PCDH7: variants seen among roughly 807,000 people sequenced by gnomAD.
The protein encoded by PCDH7 is protocadherin-7.
Under a neutral mutation model 58.9 loss-of-function variants are expected in PCDH7, and 17 were observed. The ratio of observed to expected loss-of-function variants is 0.29; its 90% CI spans 0.20 to 0.43. The LOEUF is 0.43. Among genes scored for constraint, PCDH7 ranks in the 20% least tolerant of loss-of-function variants. The pLI is 1.00. For synonymous variants in PCDH7, 664 were observed against 616.4 expected, an observed-to-expected ratio of 1.08 and a Z score of -1.14; for missense variants, 1,274 against 1,441.0, an observed-to-expected ratio of 0.88 and a Z score of 1.88.
At chr4:30,851,043 T>C (rs565985954) in intron 1 of PCDH7, among the ~76,000 whole-genome samples, 1 of 152,198 alleles carries the variant, frequency 6.6e-6, no homozygotes, top group African/African-American at 2.4e-5. Flanking sequence ...TAAAATTTTA[T>C]AGGACTACTT....
chr4:30,899,630 C>T (rs567825646), intron 1 of PCDH7, among the ~76,000 whole-genome samples: 10 of 152,270 alleles, frequency 6.6e-5, no homozygotes, highest in East Asian at 1.9e-4. Flanking sequence ...TTTGGGTTTC[C>T]GTTTACTGTT....
chr4:30,880,303 C>T (rs1230943766), intron 1 of PCDH7, among the ~76,000 whole-genome samples: 1 of 151,370 alleles, frequency 6.6e-6, no homozygotes, highest in Non-Finnish European at 1.5e-5. Context: ...AAAAAACCCT[C>T]CTCAGCTTTA....
intron 3 of PCDH7, among the ~76,000 whole-genome samples, chr4:31,087,964 A>G (rs1308560812): frequency 2.0e-5 from 3 of 152,056 alleles, no homozygotes. Context: ...TTCTTATAAC[A>G]ATTCTAAGGA....
At chr4:30,862,774 A>G (rs1029206938) in intron 1 of PCDH7, among the ~76,000 whole-genome samples, 1 of 152,076 alleles carries the variant, frequency 6.6e-6, no homozygotes, top group African/African-American at 2.4e-5. Context: ...CACTTGATTT[A>G]GTCTTTCTTA....
At chr4:30,830,257 G>T (rs1480082340) in intron 1 of PCDH7, among the ~76,000 whole-genome samples, 1 of 151,912 alleles carries the variant, frequency 6.6e-6, no homozygotes, top group Admixed American at 6.6e-5. Context: ...GTTGAATCTT[G>T]TTAATGTATG....
At chr4:30,888,810 G>A (rs1425799495) in intron 1 of PCDH7, among the ~76,000 whole-genome samples, 1 of 152,148 alleles carries the variant, frequency 6.6e-6, no homozygotes, top group Non-Finnish European at 1.5e-5. Context: ...CAATGTATAT[G>A]AGTACTTACA....
rs143127181 is a variant in PCDH7 at position 30,778,901 on chromosome 4, A to G, written c.70+54305A>G. 3.0e-4 allele frequency among the ~76,000 whole-genome samples: 46 copies of G among 151,110 alleles called. No individual in the cohort carries two copies. In the East Asian group the frequency reaches 8.2e-3, roughly 27 times the overall value. On this transcript the variant is annotated intron_variant, in intron 1 of 3. Transcript: ENST00000509759. ...ATTTGCTTTCAATCTAAGGTCTGCAATGTTATATTGAACATGTCCTGTCAC... is the reference window on the plus strand; with the variant it reads ...ATTTGCTTTCAATCTAAGGTCTGCAGTGTTATATTGAACATGTCCTGTCAC...
intron 1 of PCDH7, among the ~76,000 whole-genome samples, chr4:30,843,275 C>T (rs1000967089): frequency 6.6e-6 from 1 of 152,010 alleles, no homozygotes. Flanking sequence ...AATCTGGGCT[C>T]ATTGTAATCT....
intron 2 of PCDH7, among the ~76,000 whole-genome samples, chr4:30,943,419 AG>A (rs1746291402): frequency 6.6e-6 from 1 of 152,170 alleles, no homozygotes; most frequent in South Asian, 2.1e-4. Flanking sequence ...GAGCAAACTA[AG>A]GATTACAGTA....
rs1211880077 is a variant in PCDH7, at chr4:30,962,623, C to CA, written c.*7+12414dup. Among the ~76,000 whole-genome samples the CA allele has an allele frequency of 6.6e-5, 10 of 151,530 alleles. No individual in the cohort carries two copies. In the East Asian group the frequency reaches 2.0e-3, roughly 30 times the overall value. Reference sequence around the variant, plus strand: ...GCAGCATAAGGAGACTCCATCTCTACAAAAAATTAAAAATAGCAAGGTATG... The same window carrying CA: ...GCAGCATAAGGAGACTCCATCTCTACAAAAAAATTAAAAATAGCAAGGTATG... On this transcript the variant is annotated intron_variant, in intron 3 of 3. Coordinates refer to the PCDH7 transcript ENST00000509759.
At chr4:30,733,290 G>A (rs373312224), downstream of PCDH7, among the ~76,000 whole-genome samples, 40 of 152,204 alleles carry the variant, frequency 2.6e-4, no homozygotes, top group South Asian at 8.1e-3. Context: ...GCTAGAGACT[G>A]GTCTATTTTA....
chr4:30,986,145 A>T (rs539516147), intron 3 of PCDH7, among the ~76,000 whole-genome samples: 2 of 152,220 alleles, frequency 1.3e-5, no homozygotes, highest in East Asian at 1.9e-4. Flanking sequence ...ATTAATCTGC[A>T]TATGGAATTC....
exon 2 of PCDH7, chr4:30,731,978 C>G (rs900483732): frequency 1.3e-5 from 2 of 151,986 alleles, no homozygotes; most frequent in African/African-American, 4.8e-5. Context: ...ACTAAGAATG[C>G]CAAATTCTCA....
intron 3 of PCDH7, among the ~76,000 whole-genome samples, chr4:31,034,339 C>T (rs1288420398): frequency 6.6e-6 from 1 of 152,080 alleles, no homozygotes; most frequent in Non-Finnish European, 1.5e-5. Context: ...AAAATCTAAG[C>T]CAAGTTACCT....
At chr4:30,937,116 G>C (rs574463057) in intron 2 of PCDH7, among the ~76,000 whole-genome samples, 17 of 152,104 alleles carry the variant, frequency 1.1e-4, no homozygotes, top group African/African-American at 4.1e-4. Flanking sequence ...TGGAAACAAA[G>C]CAATTAACTT....
At chr4:30,978,052 C>G (rs1268073860) in intron 3 of PCDH7, among the ~76,000 whole-genome samples, 1 of 152,054 alleles carries the variant, frequency 6.6e-6, no homozygotes, top group Non-Finnish European at 1.5e-5. Flanking sequence ...GAGTATCACT[C>G]AAAAGTTCAT....
chr4:30,946,727 T>TGTGA (rs1048658000), intron 2 of PCDH7, among the ~76,000 whole-genome samples: 13 of 149,986 alleles, frequency 8.7e-5, no homozygotes, highest in Middle Eastern at 3.2e-3. Flanking sequence ...TGTGTGTGTG[T>TGTGA]GACAGAGTCC....
chr4:31,132,813 T>G (rs1034532272), intron 3 of PCDH7, among the ~76,000 whole-genome samples: 1 of 152,180 alleles, frequency 6.6e-6, no homozygotes, highest in Admixed American at 6.5e-5. Context: ...TTGCTGGCAA[T>G]TCAAGACACT....
intron 3 of PCDH7, among the ~76,000 whole-genome samples, chr4:31,023,652 ACTTTCATGTAAGGGTCAATTTTTCCCTC>A (rs1387324840): frequency 6.6e-6 from 1 of 152,188 alleles, no homozygotes; most frequent in Non-Finnish European, 1.5e-5. Flanking sequence ...CTGCTCTCCT[ACTTTCATGTAAGGGTCAATTTTTCCCTC>A]CTTTTTTGTA....
Sources: allele counts gnomAD v4.1 joint callset (sites outside exome capture counted in the v4.1 genomes callset), GRCh38; gene constraint gnomAD v4.1.1; transcripts MANE v1.5; gene names NCBI Gene and HGNC (gene_info 2026-07-23, HGNC 2026-07-21).